SAMD5: variants seen among roughly 807,000 people sequenced by gnomAD.
SAMD5 encodes the protein sterile alpha motif domain containing 5, also known as sterile alpha motif domain-containing protein 5.
A neutral mutation model predicts 11.3 loss-of-function variants in SAMD5; 13 were observed. That is an observed-to-expected ratio of 1.15 (90% confidence interval 0.75 to 1.83). The LOEUF (loss-of-function observed/expected upper bound fraction) is 1.83, where lower values mean the gene tolerates loss of function less well. Ranked by LOEUF, SAMD5 falls within the 40% of genes most tolerant of loss-of-function variation. SAMD5 has a pLI of 0.00. For missense variants in SAMD5, 255 were observed against 239.1 expected, an observed-to-expected ratio of 1.07 and a Z score of -0.44; for synonymous variants, 129 against 111.3, an observed-to-expected ratio of 1.16 and a Z score of -1.00.
At chr6:147,642,984 C>G (rs844584) in intron 1 of SAMD5, among the ~76,000 whole-genome samples, 1 of 151,956 alleles carries the variant, frequency 6.6e-6, no homozygotes, top group Non-Finnish European at 1.5e-5. Context: ...GCGAAAATAA[C>G]TGTTACTTCC....
At chr6:147,887,499 T>A in the SAMD5 span, among the ~76,000 whole-genome samples, 1 of 152,262 alleles carries the variant, frequency 6.6e-6, no homozygotes, top group Non-Finnish European at 1.5e-5. Context: ...TATGAGAACA[T>A]GAATTAATAG....
intron 1 of SAMD5, among the ~76,000 whole-genome samples, chr6:147,515,858 AACCCAAGT>A (rs1357574195): frequency 6.6e-6 from 1 of 152,212 alleles, no homozygotes; most frequent in African/African-American, 2.4e-5. Flanking sequence ...CTCTGATTAA[AACCCAAGT>A]AAAGATAATG....
downstream of SAMD5, among the ~76,000 whole-genome samples, chr6:147,571,982 C>CT (rs143834984): frequency 0.042 from 5,381 of 128,248 alleles, 280 homozygotes; most frequent in African/African-American, 0.15. Flanking sequence ...GTAATTTCAA[C>CT]TTTTTTTTTT....
intron 1 of SAMD5, among the ~76,000 whole-genome samples, chr6:147,575,216 C>G (rs1351623470): frequency 6.6e-6 from 1 of 152,194 alleles, no homozygotes; most frequent in Non-Finnish European, 1.5e-5. Context: ...CTGTTGTCCT[C>G]ACAGGTTCTC....
chr6:147,784,741 T>C, the SAMD5 span, among the ~76,000 whole-genome samples: 1 of 152,200 alleles, frequency 6.6e-6, no homozygotes, highest in African/African-American at 2.4e-5. Context: ...TTTCCTTTTA[T>C]AGATTGAAGG....
the SAMD5 span, among the ~76,000 whole-genome samples, chr6:147,845,679 A>T: frequency 6.6e-6 from 1 of 152,182 alleles, no homozygotes; most frequent in Non-Finnish European, 1.5e-5. Context: ...AATTACAATG[A>T]GATTTCACTA....
chr6:147,538,636 T>C (rs1459037992), intron 1 of SAMD5, among the ~76,000 whole-genome samples: 3 of 152,230 alleles, frequency 2.0e-5, no homozygotes, highest in Non-Finnish European at 4.4e-5. Context: ...GCTCTTCGTA[T>C]GTCCCCAGGC....
the SAMD5 span, among the ~76,000 whole-genome samples, chr6:147,827,604 T>C: frequency 6.6e-6 from 1 of 152,144 alleles, no homozygotes; most frequent in Non-Finnish European, 1.5e-5. Context: ...AATGCATCTG[T>C]CTATGCAGTG....
At chr6:147,942,019 G>A in the SAMD5 span, among the ~76,000 whole-genome samples, 885 of 152,088 alleles carry the variant, frequency 5.8e-3, 10 homozygotes, top group Admixed American at 0.02. Flanking sequence ...GATTACAGGC[G>A]CCTGCCACCA....
chr6:147,879,109 AT>A, the SAMD5 span, among the ~76,000 whole-genome samples: 1 of 152,358 alleles, frequency 6.6e-6, no homozygotes, highest in Admixed American at 6.5e-5. Flanking sequence ...TAAAGATAAG[AT>A]ATTGCAGATC....
intron 1 of SAMD5, among the ~76,000 whole-genome samples, chr6:147,727,972 CA>C (rs1241572299): frequency 1.3e-5 from 2 of 152,282 alleles, no homozygotes; most frequent in East Asian, 3.9e-4. Flanking sequence ...CAGACTGCAC[CA>C]GGGGTAATCA....
intron 1 of SAMD5, among the ~76,000 whole-genome samples, chr6:147,724,247 C>T (rs1336689942): frequency 6.6e-6 from 1 of 152,204 alleles, no homozygotes; most frequent in African/African-American, 2.4e-5. Flanking sequence ...CCCCCTTCAG[C>T]CTCCTGAGTA....
intron 1 of SAMD5, among the ~76,000 whole-genome samples, chr6:147,608,153 A>T (rs1403197595): frequency 6.6e-6 from 1 of 152,240 alleles, no homozygotes; most frequent in Non-Finnish European, 1.5e-5. Context: ...GCTGGTGAGG[A>T]TGTGAAGGAA....
At chr6:147,659,385 C>A (rs1207192026) in intron 1 of SAMD5, among the ~76,000 whole-genome samples, 1 of 151,886 alleles carries the variant, frequency 6.6e-6, no homozygotes, top group East Asian at 1.9e-4. Flanking sequence ...ATGTGACCTG[C>A]AAGATTCCTC....
intron 1 of SAMD5, among the ~76,000 whole-genome samples, chr6:147,557,179 ATAAC>A (rs1300996993): frequency 6.6e-6 from 1 of 152,238 alleles, no homozygotes; most frequent in African/African-American, 2.4e-5. Flanking sequence ...GACATTAAAT[ATAAC>A]TAAATAAGCA....
the SAMD5 span, among the ~76,000 whole-genome samples, chr6:147,858,135 T>G: frequency 3.8e-4 from 58 of 152,282 alleles, no homozygotes; most frequent in African/African-American, 1.4e-3. Context: ...TAATCAAGTT[T>G]TGGAGGGGAT....
At chr6:147,646,039 T>C (rs1295940418) in intron 1 of SAMD5, among the ~76,000 whole-genome samples, 2 of 112,672 alleles carry the variant, frequency 1.8e-5, no homozygotes, top group Non-Finnish European at 3.5e-5. Context: ...TCTATCTATC[T>C]ATCTATCTAT....
chr6:147,708,180 C>A (rs1442784961), intron 1 of SAMD5, among the ~76,000 whole-genome samples: 3 of 152,128 alleles, frequency 2.0e-5, no homozygotes, highest in Non-Finnish European at 4.4e-5. Flanking sequence ...TCAGGTCAGC[C>A]AGGTGGGCCC....
the SAMD5 span, among the ~76,000 whole-genome samples, chr6:147,854,148 C>T: frequency 6.6e-6 from 1 of 152,004 alleles, no homozygotes; most frequent in African/African-American, 2.4e-5. Context: ...GGATAGGTGA[C>T]ATTTGAGAGA....
Sources: allele counts gnomAD v4.1 joint callset (sites outside exome capture counted in the v4.1 genomes callset), GRCh38; gene constraint gnomAD v4.1.1; transcripts MANE v1.5; gene names NCBI Gene and HGNC (gene_info 2026-07-23, HGNC 2026-07-21).